The following CDH4 variants were observed in gnomAD, a reference collection of about 807,000 sequenced individuals.
The protein encoded by CDH4 is cadherin-4.
Under a neutral mutation model 86.0 loss-of-function variants are expected in CDH4, and 33 were observed. The observed-to-expected ratio is 0.38, with a 90% CI of 0.29 to 0.51. The LOEUF (loss-of-function observed/expected upper bound fraction) is 0.51. CDH4 is among the 20% of genes least tolerant of loss of function. The pLI is 0.86. For synonymous variants in CDH4, 555 were observed against 549.4 expected (o/e 1.01, Z -0.14); for missense variants, 1,114 against 1,307.4 (o/e 0.85, Z 2.28).
intron 2 of CDH4, among the ~76,000 whole-genome samples, chr20:61,666,944 G>C (rs1282159487): frequency 6.6e-6 from 1 of 152,248 alleles, no homozygotes; most frequent in Non-Finnish European, 1.5e-5. Flanking sequence ...AGAAGGGTGA[G>C]AAGCATCCCT....
chr20:61,516,063 G>A lies in CDH4; in HGVS notation c.170-227500G>A, dbSNP rs577132593. Among the ~76,000 whole-genome samples the A allele has an allele frequency of 6.6e-6, 1 of 152,276 alleles. No homozygotes were observed. Among genetic ancestry groups the A allele is most frequent in the Admixed American group, 6.5e-5 (1 of 15,300 alleles). ...CCCCCCCAATACGATTCCACCGCAGGCAGGCAGCTCCCTCACCACAGGGGC... is the reference window on the plus strand; with the variant it reads ...CCCCCCCAATACGATTCCACCGCAGACAGGCAGCTCCCTCACCACAGGGGC... On this transcript the variant is annotated intron_variant, in intron 2 of 15. Transcript: ENST00000614565. The surrounding 1 kb of genome is among the most constrained non-coding windows in gnomAD (Gnocchi z 4.0).
chr20:61,435,468 C>T (rs2085275525), intron 2 of CDH4, among the ~76,000 whole-genome samples: 1 of 150,482 alleles, frequency 6.6e-6, no homozygotes, highest in Admixed American at 6.6e-5. Context: ...AGCCCGGCTG[C>T]AGGGTGCTGC....
Position 61,582,266 on chromosome 20 carries a change from TG to T in CDH4, c.170-161296del, listed in dbSNP as rs542211940. ...ACAGAGGCACACGCGGCTTTGCCCT[TG>T]ATTTTTGAGATGTTTGCCTCCTTAT... is the stretch of plus-strand genomic sequence containing the variant. On this transcript the variant is annotated intron_variant, in intron 2 of 15. Transcript: ENST00000614565. This position sits in a 1 kb window ranked among gnomAD's most constrained non-coding sequence, Gnocchi z 4.2. Among the ~76,000 whole-genome samples the T allele has an allele frequency of 2.2e-4, 34 of 152,320 alleles. No homozygotes were observed. The highest frequency in any genetic ancestry group is 7.9e-4 in the African/African-American group (33 of 41,582).
chr20:61,600,022 G>A (rs183800533), intron 2 of CDH4: 1 of 896,074 alleles, frequency 1.1e-6, no homozygotes, highest in Non-Finnish European at 1.3e-6. Flanking sequence ...AAAGTGTGAA[G>A]GGTTTATTAT....
At chr20:61,652,865 G>T (rs2087136431) in intron 2 of CDH4, among the ~76,000 whole-genome samples, 2 of 148,738 alleles carry the variant, frequency 1.3e-5, no homozygotes, top group South Asian at 4.2e-4. Flanking sequence ...TTTTGGGGGG[G>T]GGATAAAAAA....
At chr20:61,683,230 G>A (rs1365001690) in intron 2 of CDH4, among the ~76,000 whole-genome samples, 3 of 152,226 alleles carry the variant, frequency 2.0e-5, no homozygotes, top group South Asian at 2.1e-4. Context: ...TAGGGCAGAC[G>A]ATAAGTCTTG....
chr20:61,578,025 C>T (rs1342513956), intron 2 of CDH4, among the ~76,000 whole-genome samples: 6 of 152,188 alleles, frequency 3.9e-5, no homozygotes, highest in Non-Finnish European at 8.8e-5. Flanking sequence ...GCCAAGCTTG[C>T]CTGCCCAGCC....
intron 2 of CDH4, among the ~76,000 whole-genome samples, chr20:61,559,693 A>G (rs1026652133): frequency 3.3e-5 from 5 of 150,974 alleles, no homozygotes; most frequent in African/African-American, 1.2e-4. Flanking sequence ...TAATTTTTGT[A>G]TTTTTAGTAG....
intron 2 of CDH4, among the ~76,000 whole-genome samples, chr20:61,569,562 T>C (rs2387105): frequency 0.079 from 12,068 of 152,292 alleles, 1,021 homozygotes; most frequent in African/African-American, 0.21. Context: ...TACTTCAGCA[T>C]GTATTTCCTA....
chr20:61,338,783 C>G (rs77857834), intron 2 of CDH4, among the ~76,000 whole-genome samples: 1 of 152,024 alleles, frequency 6.6e-6, no homozygotes, highest in African/African-American at 2.4e-5. Flanking sequence ...TTGAACTATC[C>G]TCAGGGCGAA....
In CDH4 at chr20:61,767,958, G is replaced by A. The variant is rs146193493; in HGVS notation, c.397-5045G>A. ...CCCTCATGCATCTTCCCAGGTGTCC[G>A]TGAGTGGATGGAGGCGACAGTGGGC... On this transcript the variant is annotated intron_variant, in intron 3 of 15. Coordinates refer to ENST00000614565, the MANE Select transcript of CDH4 (RefSeq NM_001794.5). 4.4e-4 allele frequency among the ~76,000 whole-genome samples: 67 copies of A among 152,316 alleles called. 1 individual carries two copies. The highest frequency in any genetic ancestry group is 1.5e-3 in the African/African-American group (62 of 41,560).
chr20:61,276,239 T>C (rs2084231269), intron 2 of CDH4, among the ~76,000 whole-genome samples: 1 of 152,244 alleles, frequency 6.6e-6, no homozygotes, highest in Non-Finnish European at 1.5e-5. Context: ...TGAGTATAAA[T>C]TGAAGTCTCA....
intron 2 of CDH4, among the ~76,000 whole-genome samples, chr20:61,454,896 G>C (rs144194441): frequency 7.2e-5 from 11 of 152,264 alleles, no homozygotes; most frequent in Non-Finnish European, 1.2e-4. Flanking sequence ...TCCGTGACCA[G>C]GGTAGGAAGC....
intron 2 of CDH4, among the ~76,000 whole-genome samples, chr20:61,536,089 C>T (rs2085995235): frequency 6.6e-6 from 1 of 152,220 alleles, no homozygotes; most frequent in Non-Finnish European, 1.5e-5. Flanking sequence ...TGGGAATGGC[C>T]CAGTGAGTGG....
chr20:61,287,486 A>G (rs980799358), intron 2 of CDH4, among the ~76,000 whole-genome samples: 3 of 152,044 alleles, frequency 2.0e-5, no homozygotes, highest in Non-Finnish European at 2.9e-5. Flanking sequence ...AGAAGAAGAA[A>G]AAAGAGTGCT....
At chr20:61,459,193 A>C (rs1442857369) in intron 2 of CDH4, among the ~76,000 whole-genome samples, 1 of 126,018 alleles carries the variant, frequency 7.9e-6, no homozygotes, top group Non-Finnish European at 1.9e-5. Context: ...TTGTGTGGCC[A>C]TCCCCTTCTC....
intron 2 of CDH4, among the ~76,000 whole-genome samples, chr20:61,579,633 G>A (rs1201893100): frequency 1.3e-5 from 2 of 151,968 alleles, no homozygotes; most frequent in Admixed American, 1.3e-4. Context: ...CCAGCCCCAG[G>A]TTGTGTTCCC....
intron 2 of CDH4, among the ~76,000 whole-genome samples, chr20:61,520,265 A>G (rs1028857842): frequency 1.3e-4 from 20 of 152,188 alleles, no homozygotes; most frequent in African/African-American, 4.8e-4. Context: ...GACTGTCTGC[A>G]GAGCCCAGCA....
rs144411835 is a variant in CDH4, at chr20:61,877,356, A to ACCCACCC, written c.1050+3474_1050+3480dup. On this transcript the variant is annotated intron_variant, in intron 7 of 15. Coordinates refer to ENST00000614565, the MANE Select transcript of CDH4 (RefSeq NM_001794.5). ...AGGCCCACAGCAGACACAGAGCGGT[A>ACCCACCC]CCCACCCCCCACCCCCCACCCCCCG... Among the ~76,000 whole-genome samples, 515 of 128,614 alleles carry ACCCACCC rather than the reference A, an allele frequency of 4.0e-3. 3 individuals are homozygous for ACCCACCC. The highest frequency in any genetic ancestry group is 9.8e-3 in the Admixed American group (127 of 12,922). 84.4% of individuals were successfully genotyped at this position (128,614 alleles called of 152,430 possible). A position where few individuals can be genotyped will look rare whatever the true frequency, so the allele number is the denominator to read the frequency against.
Sources: allele counts gnomAD v4.1 joint callset (sites outside exome capture counted in the v4.1 genomes callset), GRCh38; gene constraint gnomAD v4.1.1; non-coding constraint Gnocchi (gnomAD v3.1); transcripts MANE v1.5; gene names NCBI Gene and HGNC (gene_info 2026-07-23, HGNC 2026-07-21).